The following NOX3 variants were observed in gnomAD, a reference collection of about 807,000 sequenced individuals.
The protein encoded by NOX3 is NADPH oxidase catalytic subunit-like 3.
In NOX3, 74 loss-of-function variants were observed where a neutral mutation model predicts 76.7. The ratio of observed to expected loss-of-function variants is 0.96; its 90% CI spans 0.80 to 1.17. The LOEUF (loss-of-function observed/expected upper bound fraction) is 1.17, where lower values mean the gene tolerates loss of function less well. Among genes scored for constraint, NOX3 ranks in the 50% most tolerant of loss-of-function variants. NOX3 has a pLI of 0.00. For synonymous variants in NOX3, 263 were observed against 261.1 expected (o/e 1.01, Z -0.07); for missense variants, 695 against 703.3 (o/e 0.99, Z 0.13).
intron 4 of NOX3, 129 bp from the exon 5 acceptor site, chr6:155,443,547 T>A (rs1777023052): frequency 9.2e-7 from 1 of 1,081,658 alleles, no homozygotes; most frequent in Non-Finnish European, 1.3e-6. Context: ...AAAAGTGATG[T>A]ATTTACACAT....
At chr6:155,425,303 A>G (rs1776742550) in intron 9 of NOX3, among the ~76,000 whole-genome samples, 1 of 152,126 alleles carries the variant, frequency 6.6e-6, no homozygotes, top group Non-Finnish European at 1.5e-5. Flanking sequence ...ATTTTTAACA[A>G]TCTGAATCAG....
intron 4 of NOX3, among the ~76,000 whole-genome samples, chr6:155,448,137 C>CT (rs1168457027): frequency 2.0e-5 from 3 of 152,082 alleles, no homozygotes; most frequent in Non-Finnish European, 4.4e-5. Context: ...CTTTTAGGCC[C>CT]TTTTTTTCCC....
chr6:155,443,389 G>T lies in NOX3; in HGVS notation c.370C>A (p.Leu124Met), dbSNP rs771417870. The T allele has an allele frequency of 1.2e-6, 2 of 1,613,986 alleles. No homozygotes were observed. Among genetic ancestry groups the T allele is most frequent in the Non-Finnish European group, 1.7e-6 (2 of 1,179,922 alleles). ...GACTGGCTCCAGTGGTAGCGTTCCA[G>T]GTTGAAGAAATGCGCCACGATGTGG... ...TIHIVAHFFN[L>M]ERYHWSQSEE... Residue 124 changes from leucine to methionine, a missense_variant, in exon 5 of 14, where the codon CTG (leucine) becomes ATG (methionine). Coordinates refer to ENST00000159060, the MANE Select transcript of NOX3 (RefSeq NM_015718.3).
chr6:155,417,638 T>A (rs1776637600), intron 10 of NOX3, among the ~76,000 whole-genome samples: 1 of 152,158 alleles, frequency 6.6e-6, no homozygotes, highest in South Asian at 2.1e-4. Context: ...TTAGTAGAGA[T>A]GATCAGTTCC....
intron 11 of NOX3, among the ~76,000 whole-genome samples, chr6:155,408,387 C>G (rs1006247374): frequency 6.6e-6 from 1 of 152,112 alleles, no homozygotes; most frequent in Admixed American, 6.5e-5. Context: ...AGTGCTCATC[C>G]CTTAGACCCC....
chr6:155,433,807 A>T (rs924687139), intron 7 of NOX3, among the ~76,000 whole-genome samples: 3 of 152,172 alleles, frequency 2.0e-5, no homozygotes, highest in African/African-American at 7.2e-5. Flanking sequence ...AGACACTGAA[A>T]CTGCTTGGAC....
At chr6:155,438,912 CTGGCCACATTCT>C (rs2114701622) in intron 6 of NOX3, among the ~76,000 whole-genome samples, 1 of 152,308 alleles carries the variant, frequency 6.6e-6, no homozygotes, top group South Asian at 2.1e-4. Flanking sequence ...AGCAACATTG[CTGGCCACATTCT>C]TGCTGGTGTT....
intron 3 of NOX3, 74 bp from the exon 4 acceptor site, chr6:155,453,562 T>A: frequency 8.4e-7 from 1 of 1,189,220 alleles, no homozygotes; most frequent in South Asian, 1.2e-5. Context: ...GTTAAGAGAG[T>A]AGGAATCAGG....
intron 9 of NOX3, 36 bp downstream of exon 9, chr6:155,428,758 T>C (rs1272598667): frequency 3.8e-5 from 55 of 1,463,738 alleles, no homozygotes; most frequent in Non-Finnish European, 4.9e-5. Context: ...CTTTTTATAA[T>C]ACTGCAATTT....
At position 155,428,808 on chromosome 6, in the gene NOX3, G is replaced by A. The variant is rs772094396; in HGVS notation, c.1131C>T (p.Pro377=). ...TGGGCACGAACCTTGGCAGGCTCCA[G>A]GGCTCCTGGAGGGCCTGTCCCTCTG... ...FGAEGQALQE[P]WSLPRLAVDG... is the part of the protein sequence containing the mutation. Residue 377 remains proline, a synonymous_variant, in exon 9 of 14, where the codon CCC becomes CCT. Transcript: ENST00000159060. 1 of 1,517,056 alleles carries A rather than the reference G, an allele frequency of 6.6e-7. No individual in the cohort carries two copies. Among genetic ancestry groups the A allele is most frequent in the Non-Finnish European group, 8.9e-7 (1 of 1,128,720 alleles). 94.0% of individuals were successfully genotyped at this position (1,517,056 alleles called of 1,614,324 possible). A position where few individuals can be genotyped will look rare whatever the true frequency, so the allele number is the denominator to read the frequency against.
At chr6:155,433,297 C>T (rs1276999614) in intron 7 of NOX3, among the ~76,000 whole-genome samples, 11 of 152,126 alleles carry the variant, frequency 7.2e-5, no homozygotes, top group Non-Finnish European at 1.6e-4. Flanking sequence ...GAAGTCAGGG[C>T]CTGAGGGAGA....
rs202004144 is a variant in NOX3, at chr6:155,443,332, A to G, written c.427T>C (p.Ser143Pro). The change falls in exon 5 of 14, where the codon TCC becomes CCC. Residue 143 changes from serine to proline, a missense_variant. Physicochemically the swap from Ser to Pro is moderately conservative, Grantham distance 74. Transcript: ENST00000159060. ...TCGTTAGGGGTGTTGCCCAGCTTGG[A>G]AAGTGCGGCCAGAAGTCCCTGGGCC... ...EEAQGLLAALSKLGNTPNESY... is the reference protein window; with the variant it reads ...EEAQGLLAALPKLGNTPNESY... 8.7e-6 allele frequency: 14 copies of G among 1,614,092 alleles called. No individual in the cohort carries two copies. The highest frequency in any genetic ancestry group is 2.2e-5 in the East Asian group (1 of 44,886).
rs1164736675 is a variant in NOX3, at chr6:155,422,737, C to T, written c.1265G>A (p.Trp422Ter). ...TPFAALLKSI[W>*]YKCSEAQTPL... Reference sequence around the variant, plus strand: ...GGTCTGTGCCTCACTGCATTTGTACCATATAGATTTCAGAAGAGCAGCGAA... The same window carrying T: ...GGTCTGTGCCTCACTGCATTTGTACTATATAGATTTCAGAAGAGCAGCGAA... Residue 422 changes from tryptophan (W) to a stop codon, truncating the protein, a stop_gained, in exon 10 of 14, where the codon TGG (tryptophan) becomes TAG (stop). Transcript: ENST00000159060. LOFTEE classifies it high-confidence loss of function. The T allele has an allele frequency of 6.2e-7, 1 of 1,614,154 alleles. No homozygotes were observed. The highest frequency in any genetic ancestry group is 8.5e-7 in the Non-Finnish European group (1 of 1,180,024).
chr6:155,442,067 A>G (rs911394985), intron 5 of NOX3, among the ~76,000 whole-genome samples: 3 of 152,182 alleles, frequency 2.0e-5, no homozygotes, highest in Admixed American at 6.5e-5. Flanking sequence ...GATCAAGACC[A>G]TCCTGGCTAA....
Position 155,436,517 on chromosome 6 carries a change from A to G in NOX3, c.699T>C (p.Ser233=), listed in dbSNP as rs1328127501. Reference sequence around the variant, plus strand: ...AGAAGGTGATGTTGTGCAGAGAGAGACTGTCTTGGGTTTGGCCTCGAACAA... The same window carrying G: ...AGAAGGTGATGTTGTGCAGAGAGAGGCTGTCTTGGGTTTGGCCTCGAACAA... The part of the protein sequence containing the change: ...GRIVRGQTQD[S]LSLHNITFCR... Residue 233 remains serine (S), a synonymous_variant, in exon 7 of 14, where the codon AGT becomes AGC. Transcript: ENST00000159060. The G allele has an allele frequency of 6.2e-7, 1 of 1,614,122 alleles. No homozygotes were observed.
At chr6:155,418,790 C>G (rs231945) in intron 10 of NOX3, among the ~76,000 whole-genome samples, 3 of 152,128 alleles carry the variant, frequency 2.0e-5, no homozygotes, top group Non-Finnish European at 4.4e-5. Flanking sequence ...TAGTTTGCAA[C>G]GGTGACAATT....
chr6:155,401,245 G>T (rs556041178), intron 12 of NOX3, among the ~76,000 whole-genome samples: 3 of 152,238 alleles, frequency 2.0e-5, no homozygotes, highest in African/African-American at 7.2e-5. Flanking sequence ...CTTCACTTGG[G>T]TCTAACCAGA....
chr6:155,445,996 T>TATATATGCTATATATATATATATATAAAA (rs1554264831), intron 4 of NOX3, among the ~76,000 whole-genome samples: 1 of 134,388 alleles, frequency 7.4e-6, no homozygotes, highest in Non-Finnish European at 1.6e-5. Context: ...TATATATATA[T>TATATATGCTATATATATATATATATAAAA]AATATATATA....
At chr6:155,434,104 C>A (rs1776870882) in intron 7 of NOX3, among the ~76,000 whole-genome samples, 1 of 152,084 alleles carries the variant, frequency 6.6e-6, no homozygotes. Flanking sequence ...TATGAATAGC[C>A]TCTTTTTCTA....
Sources: allele counts gnomAD v4.1 joint callset (sites outside exome capture counted in the v4.1 genomes callset), GRCh38; gene constraint gnomAD v4.1.1; transcripts MANE v1.5; gene names NCBI Gene and HGNC (gene_info 2026-07-23, HGNC 2026-07-21).